The following HDAC4 variants were observed in gnomAD, a reference collection of about 807,000 sequenced individuals.
HDAC4 encodes the protein histone deacetylase 4.
HDAC4 carries 16 observed loss-of-function variants against 135.1 expected under a neutral mutation model. The observed-to-expected ratio is 0.12, with a 90% CI of 0.08 to 0.18. The LOEUF (loss-of-function observed/expected upper bound fraction) is 0.18. HDAC4 is among the 10% of genes least tolerant of loss of function. The pLI, the probability that HDAC4 is intolerant of heterozygous loss-of-function variation, is 1.00. For missense variants in HDAC4, 1,143 were observed against 1,511.8 expected, an observed-to-expected ratio of 0.76 and a Z score of 4.05; for synonymous variants, 685 against 653.4, an observed-to-expected ratio of 1.05 and a Z score of -0.74.
chr2:239,149,807 C>G (rs2041997309), intron 7 of HDAC4, among the ~76,000 whole-genome samples: 2 of 152,210 alleles, frequency 1.3e-5, no homozygotes, highest in South Asian at 4.1e-4. Context: ...ATCTTCACCA[C>G]TGGCCACATT....
At chr2:239,289,312 GTTGTT>G (rs2051324642) in intron 2 of HDAC4, among the ~76,000 whole-genome samples, 1 of 152,182 alleles carries the variant, frequency 6.6e-6, no homozygotes, top group African/African-American at 2.4e-5. Flanking sequence ...TTTTTTGGTG[GTTGTT>G]TTGTTTTTAA....
intron 1 of HDAC4, among the ~76,000 whole-genome samples, chr2:239,359,456 C>T (rs1693723838): frequency 6.6e-6 from 1 of 152,238 alleles, no homozygotes. Context: ...ATCTTGTGTC[C>T]TCTGCGCTGA....
chr2:239,100,895 G>A (rs1338005375), intron 16 of HDAC4, among the ~76,000 whole-genome samples: 2 of 152,094 alleles, frequency 1.3e-5, no homozygotes, highest in South Asian at 2.1e-4. Flanking sequence ...CCAGAGGGAC[G>A]GTGGAAGGGT....
chr2:239,198,571 T>C lies in HDAC4; in HGVS notation c.95-8494A>G, dbSNP rs923104408. 3.3e-5 allele frequency among the ~76,000 whole-genome samples: 5 copies of C among 152,252 alleles called. No individual in the cohort carries two copies. In the East Asian group the frequency reaches 7.7e-4, roughly 24 times the overall value. On this transcript the variant is annotated intron_variant, in intron 3 of 26. Transcript: ENST00000543185. Reference sequence around the variant, plus strand: ...CCCCATGCAGAGGCGCTCAGGATCATAGTCGCTGGAGAGCACCCCTTTGTG... The same window carrying C: ...CCCCATGCAGAGGCGCTCAGGATCACAGTCGCTGGAGAGCACCCCTTTGTG...
chr2:239,177,994 C>G (rs1274481361), intron 4 of HDAC4, among the ~76,000 whole-genome samples: 1 of 152,216 alleles, frequency 6.6e-6, no homozygotes, highest in Non-Finnish European at 1.5e-5. Flanking sequence ...TGGGACCCAA[C>G]CCAGGCTCCA....
intron 6 of HDAC4, among the ~76,000 whole-genome samples, chr2:239,158,799 A>G (rs1215788992): frequency 6.6e-6 from 1 of 152,026 alleles, no homozygotes; most frequent in Admixed American, 6.5e-5. Flanking sequence ...CCCTGGTCAC[A>G]TGGTCCCAGG....
intron 12 of HDAC4, among the ~76,000 whole-genome samples, chr2:239,120,863 C>A (rs1020057585): frequency 6.6e-6 from 1 of 151,832 alleles, no homozygotes; most frequent in Non-Finnish European, 1.5e-5. Flanking sequence ...GTTCCTGCAG[C>A]AAATGGCCAC....
chr2:239,067,549 G>C (rs182044025), intron 23 of HDAC4, among the ~76,000 whole-genome samples: 6 of 152,276 alleles, frequency 3.9e-5, no homozygotes, highest in Non-Finnish European at 7.3e-5. Context: ...TGCGGACTGA[G>C]GAGGAAGCTG....
At chr2:239,376,998 C>T (rs1575775693) in intron 1 of HDAC4, among the ~76,000 whole-genome samples, 2 of 152,234 alleles carry the variant, frequency 1.3e-5, no homozygotes, top group East Asian at 3.9e-4. Context: ...AGACCACTTC[C>T]TTACTCACAC....
intron 1 of HDAC4, among the ~76,000 whole-genome samples, chr2:239,380,795 G>A (rs900107098): frequency 3.3e-5 from 5 of 152,030 alleles, no homozygotes; most frequent in African/African-American, 1.2e-4. Context: ...ATTCTTTCCC[G>A]CTTTGTCCCC....
intron 12 of HDAC4, among the ~76,000 whole-genome samples, chr2:239,120,956 A>G (rs2039633546): frequency 6.6e-6 from 1 of 151,822 alleles, no homozygotes; most frequent in Non-Finnish European, 1.5e-5. Context: ...CTCGGTGGAC[A>G]CAGAAGCTCC....
chr2:239,247,799 T>A (rs1007934203), intron 2 of HDAC4, among the ~76,000 whole-genome samples: 3 of 152,182 alleles, frequency 2.0e-5, no homozygotes, highest in African/African-American at 7.2e-5. Context: ...ACTGCGCGGC[T>A]GGGAGCATCA....
rs2030848854 is a variant in HDAC4 at position 239,051,540 on chromosome 2, TC to T, written c.*1556del. ...TTCATAAAACAATGCTTATTCAGGA[TC>T]TTTTTGTGAAAAAATTCATACAAAA... On this transcript the variant is annotated 3_prime_UTR_variant, in exon 27 of 27. Coordinates refer to ENST00000543185, the MANE Select transcript of HDAC4 (RefSeq NM_001378414.1). 6.6e-6 allele frequency: 1 copy of T among 152,624 alleles called. No individual in the cohort carries two copies. Among genetic ancestry groups the T allele is most frequent in the Non-Finnish European group, 1.5e-5 (1 of 68,046 alleles). 9.5% of individuals were successfully genotyped at this position (152,624 alleles called of 1,614,324 possible).
intron 3 of HDAC4, among the ~76,000 whole-genome samples, chr2:239,220,588 C>T (rs763454437): frequency 2.0e-5 from 3 of 152,130 alleles, no homozygotes; most frequent in Non-Finnish European, 4.4e-5. Context: ...AACTGGTCAG[C>T]GGCCTTTCAT....
intron 1 of HDAC4, among the ~76,000 whole-genome samples, chr2:239,384,451 C>CA (rs5839742): frequency 0.21 from 19,554 of 95,052 alleles, 1,950 homozygotes; most frequent in Non-Finnish European, 0.23. Context: ...CCTGTCTCTA[C>CA]AAAAAAAAAA....
At chr2:239,296,627 G>C (rs1390141057) in intron 2 of HDAC4, among the ~76,000 whole-genome samples, 1 of 152,036 alleles carries the variant, frequency 6.6e-6, no homozygotes, top group African/African-American at 2.4e-5. Context: ...ATCATTTCTG[G>C]ATCTTTTTCC....
At chr2:239,061,574 T>C (rs961179872) in intron 24 of HDAC4, among the ~76,000 whole-genome samples, 1 of 151,842 alleles carries the variant, frequency 6.6e-6, no homozygotes, top group East Asian at 1.9e-4. Flanking sequence ...TGTGAGACTG[T>C]GGTGCCTATG....
chr2:239,190,619 C>T (rs968020699), intron 3 of HDAC4, among the ~76,000 whole-genome samples: 9 of 152,188 alleles, frequency 5.9e-5, no homozygotes, highest in African/African-American at 2.2e-4. Context: ...ACCCGGAGCC[C>T]GTTTCCATGG....
At chr2:239,178,301 C>T (rs535546727) in intron 4 of HDAC4, among the ~76,000 whole-genome samples, 15 of 152,194 alleles carry the variant, frequency 9.9e-5, no homozygotes, top group African/African-American at 1.2e-4. Flanking sequence ...CATAGGGTCT[C>T]GCTCTGTTGC....
Sources: gnomAD v4.1 joint callset for allele counts (sites outside exome capture counted in the v4.1 genomes callset) on GRCh38, gnomAD v4.1.1 for gene constraint, MANE v1.5 for transcripts, NCBI Gene and HGNC (gene_info 2026-07-23, HGNC 2026-07-21) for gene names.